The following CCDC6 variants were observed in gnomAD, a reference collection of about 807,000 sequenced individuals.
The protein encoded by CCDC6 is coiled-coil domain containing 6, also known as coiled-coil domain-containing protein 6.
CCDC6 carries 20 observed loss-of-function variants against 56.6 expected under a neutral mutation model. The ratio of observed to expected loss-of-function variants is 0.35; its 90% CI spans 0.25 to 0.51. The LOEUF (loss-of-function observed/expected upper bound fraction) is 0.51. Ranked by LOEUF, CCDC6 falls within the 20% of genes least tolerant of loss-of-function variation. The pLI is 0.95. For missense variants in CCDC6, 367 were observed against 601.1 expected, an observed-to-expected ratio of 0.61 and a Z score of 4.07; for synonymous variants, 241 against 234.4, an observed-to-expected ratio of 1.03 and a Z score of -0.26.
intron 2 of CCDC6, among the ~76,000 whole-genome samples, chr10:59,849,542 C>T (rs1421443213): frequency 6.6e-6 from 1 of 152,156 alleles, no homozygotes; most frequent in African/African-American, 2.4e-5. Context: ...TTCTCAGGAT[C>T]AAAAAATCCC....
chr10:59,810,724 G>GT (rs1317791377), intron 5 of CCDC6, among the ~76,000 whole-genome samples: 1 of 152,062 alleles, frequency 6.6e-6, no homozygotes, highest in East Asian at 1.9e-4. Flanking sequence ...ACTCCATGGA[G>GT]TAAGCCCAGA....
intron 2 of CCDC6, among the ~76,000 whole-genome samples, chr10:59,840,014 C>T (rs775675416): frequency 5.9e-5 from 9 of 152,060 alleles, no homozygotes; most frequent in South Asian, 2.1e-4. Context: ...TTAGTAGACA[C>T]GGGGTTTCAC....
At chr10:59,851,756 A>G (rs1255168573) in intron 2 of CCDC6, among the ~76,000 whole-genome samples, 2 of 152,232 alleles carry the variant, frequency 1.3e-5, no homozygotes, top group Non-Finnish European at 2.9e-5. Context: ...AGACATCTAA[A>G]GACAAAATGG....
chr10:59,903,425 C>T (rs1255937993), intron 1 of CCDC6, among the ~76,000 whole-genome samples: 1 of 151,922 alleles, frequency 6.6e-6, no homozygotes, highest in African/African-American at 2.4e-5. Flanking sequence ...ACTTTATGTT[C>T]AGTGTTACGT....
intron 2 of CCDC6, among the ~76,000 whole-genome samples, chr10:59,848,809 G>T (rs1172441379): frequency 6.6e-6 from 1 of 152,124 alleles, no homozygotes; most frequent in Non-Finnish European, 1.5e-5. Context: ...TGCCTCCCAG[G>T]TTCAAGCAAT....
At chr10:59,842,818 A>C (rs957393711) in intron 2 of CCDC6, among the ~76,000 whole-genome samples, 1 of 148,598 alleles carries the variant, frequency 6.7e-6, no homozygotes, top group Non-Finnish European at 1.5e-5. Context: ...CAGTGGCGCA[A>C]TCTCAGCTCA....
Position 59,789,470 on chromosome 10 carries a change from A to T in CCDC6, c.*3447T>A, listed in dbSNP as rs1045209793. On this transcript the variant is annotated 3_prime_UTR_variant, in exon 9 of 9. Transcript: ENST00000263102. ...AAGAAAAAAAAACCCTAAAAAACAA[A>T]GAAAAAAACAAACAAAAAATCACCA... 1 of 232,836 alleles carries T rather than the reference A, an allele frequency of 4.3e-6. No homozygotes were observed. The highest frequency in any genetic ancestry group is 8.5e-6 in the Non-Finnish European group (1 of 117,744). The allele number at this position is 232,836 out of a possible 1,614,324, so 14.4% of individuals were successfully genotyped here.
intron 1 of CCDC6, among the ~76,000 whole-genome samples, chr10:59,866,848 T>C (rs1343479545): frequency 6.6e-6 from 1 of 152,234 alleles, no homozygotes; most frequent in Non-Finnish European, 1.5e-5. Flanking sequence ...CAACATTATT[T>C]ACGCTGCTGT....
At chr10:59,813,953 T>C (rs1429341405) in intron 4 of CCDC6, among the ~76,000 whole-genome samples, 1 of 152,068 alleles carries the variant, frequency 6.6e-6, no homozygotes, top group Non-Finnish European at 1.5e-5. Context: ...CTTGGTGAAG[T>C]AGATTAATGA....
chr10:59,878,420 A>G (rs1490592051), intron 1 of CCDC6, among the ~76,000 whole-genome samples: 1 of 152,068 alleles, frequency 6.6e-6, no homozygotes, highest in African/African-American at 2.4e-5. Context: ...CCTTTCTTGA[A>G]TACTGTCAGG....
chr10:59,803,315 T>C (rs924332501), intron 7 of CCDC6, among the ~76,000 whole-genome samples: 3 of 151,314 alleles, frequency 2.0e-5, no homozygotes, highest in African/African-American at 7.3e-5. Context: ...GATTGCCTCC[T>C]CTTAAAAAAA....
chr10:59,792,858 G>T lies in CCDC6; in HGVS notation c.*59C>A. The T allele has an allele frequency of 6.5e-7, 1 of 1,541,412 alleles. No individual in the cohort carries two copies. Among genetic ancestry groups the T allele is most frequent in the Non-Finnish European group, 9.0e-7 (1 of 1,114,056 alleles). On this transcript the variant is annotated 3_prime_UTR_variant, in exon 9 of 9. Coordinates refer to ENST00000263102, the MANE Select transcript of CCDC6 (RefSeq NM_005436.5). Reference sequence around the variant, plus strand: ...TATGCCAGAGAAGGAAGCCTTTGGCGTTGAGTAGACGGCTCCATTGGATGA... The same window carrying T: ...TATGCCAGAGAAGGAAGCCTTTGGCTTTGAGTAGACGGCTCCATTGGATGA...
At chr10:59,847,984 T>C (rs1303412941) in intron 2 of CCDC6, among the ~76,000 whole-genome samples, 4 of 152,110 alleles carry the variant, frequency 2.6e-5, no homozygotes, top group Admixed American at 6.5e-5. Flanking sequence ...GCGGGTTTTC[T>C]CCAGGTACTC....
At chr10:59,830,762 GAAC>G (rs2070828488) in intron 3 of CCDC6, among the ~76,000 whole-genome samples, 1 of 152,098 alleles carries the variant, frequency 6.6e-6, no homozygotes, top group Non-Finnish European at 1.5e-5. Context: ...TTTTTCCCAG[GAAC>G]AATAGGATGA....
chr10:59,831,726 C>T (rs763102890), intron 3 of CCDC6, among the ~76,000 whole-genome samples: 10 of 152,202 alleles, frequency 6.6e-5, no homozygotes, highest in Non-Finnish European at 1.3e-4. Flanking sequence ...TCGGGGAACA[C>T]CGAGGCTAGC....
chr10:59,797,753 T>C (rs2070536208), intron 7 of CCDC6, among the ~76,000 whole-genome samples: 1 of 150,888 alleles, frequency 6.6e-6, no homozygotes, highest in African/African-American at 2.4e-5. Flanking sequence ...ATATCACGAC[T>C]TGAGAATATT....
rs755927030 is a variant in CCDC6, at chr10:59,906,342, G to C, written c.83C>G (p.Ser28Trp). 9 of 1,598,490 alleles carry C rather than the reference G, an allele frequency of 5.6e-6. No individual in the cohort carries two copies. In the South Asian group the frequency reaches 6.6e-5, roughly 12 times the overall value. ...SSSAAMQSSC[S>W]STSGGGGGGG... ...GCCACCGCCGCCGCCCGAGGTCGAC[G>C]AGCAGGACGACTGCATGGCGGCCGA... Residue 28 changes from serine to tryptophan, a missense_variant, in exon 1 of 9, where the codon TCG becomes TGG. Ser to Trp is a radical substitution (Grantham distance 177). This residue lies in a region of CCDC6 where 79 missense variants were observed against 74.9 expected (regional missense o/e 1.05). Coordinates refer to ENST00000263102, the MANE Select transcript of CCDC6 (RefSeq NM_005436.5).
chr10:59,790,775 T>C lies in CCDC6; in HGVS notation c.*2142A>G, dbSNP rs2070460442. ...TCTAAAAGGCATTTATCAGGAAATG[T>C]TCGCTCACTCCAAGTGCTTTTTAAA... On this transcript the variant is annotated 3_prime_UTR_variant, in exon 9 of 9. Transcript: ENST00000263102. 1 of 214,932 alleles carries C rather than the reference T, an allele frequency of 4.7e-6. No homozygotes were observed. The highest frequency in any genetic ancestry group is 9.4e-6 in the Non-Finnish European group (1 of 106,334). The allele number at this position is 214,932 out of a possible 1,614,324, so 13.3% of individuals were successfully genotyped here.
chr10:59,842,271 T>C (rs1589047132), intron 2 of CCDC6, among the ~76,000 whole-genome samples: 2 of 152,032 alleles, frequency 1.3e-5, no homozygotes, highest in African/African-American at 4.8e-5. Flanking sequence ...AGTCTTGAAC[T>C]CCTGACCTCA....
Sources: allele counts gnomAD v4.1 joint callset (sites outside exome capture counted in the v4.1 genomes callset), GRCh38; gene constraint gnomAD v4.1.1; regional missense constraint gnomAD v4.1.1; transcripts MANE v1.5; gene names NCBI Gene and HGNC (gene_info 2026-07-23, HGNC 2026-07-21).